Variants in AMBRA1 observed in about 807,000 individuals in gnomAD.
AMBRA1 encodes the protein activating molecule in BECN1-regulated autophagy protein 1.
A neutral mutation model predicts 125.4 loss-of-function variants in AMBRA1; 47 were observed. The observed-to-expected ratio is 0.37, with a 90% CI of 0.30 to 0.48. The LOEUF is 0.48. AMBRA1 is among the 20% of genes least tolerant of loss of function. AMBRA1 has a pLI of 0.99. For missense variants in AMBRA1, 1,331 were observed against 1,693.4 expected, an observed-to-expected ratio of 0.79 and a Z score of 3.76; for synonymous variants, 626 against 655.5, an observed-to-expected ratio of 0.95 and a Z score of 0.69.
chr11:46,528,929 A>T (rs1952097784), intron 7 of AMBRA1, among the ~76,000 whole-genome samples: 1 of 152,136 alleles, frequency 6.6e-6, no homozygotes. Context: ...AAAAAAGCAG[A>T]AGAGGCAAAA....
chr11:46,472,553 A>G (rs888884008), intron 11 of AMBRA1, among the ~76,000 whole-genome samples: 9 of 152,328 alleles, frequency 5.9e-5, no homozygotes, highest in Middle Eastern at 3.4e-3. Flanking sequence ...GACTCACTCA[A>G]ATTGTATAGA....
chr11:46,515,123 T>C (rs575251633), intron 7 of AMBRA1, among the ~76,000 whole-genome samples: 2 of 152,288 alleles, frequency 1.3e-5, no homozygotes, highest in African/African-American at 4.8e-5. Flanking sequence ...ATCCTCCAAG[T>C]GGTCGTTTAG....
chr11:46,410,191 G>C, intron 16 of AMBRA1, 85 bp downstream of exon 16: 1 of 1,256,202 alleles, frequency 8.0e-7, no homozygotes, highest in Non-Finnish European at 1.2e-6. Context: ...CAGAGCCCTA[G>C]AGGGCGCTGC....
At chr11:46,557,903 TG>T (rs970829166) in intron 1 of AMBRA1, among the ~76,000 whole-genome samples, 1 of 151,078 alleles carries the variant, frequency 6.6e-6, no homozygotes, top group African/African-American at 2.4e-5. Flanking sequence ...ACCCAGGAGG[TG>T]GGGGTTGCAG....
At chr11:46,565,727 T>C (rs1466569080) in intron 1 of AMBRA1, among the ~76,000 whole-genome samples, 1 of 151,918 alleles carries the variant, frequency 6.6e-6, no homozygotes, top group Non-Finnish European at 1.5e-5. Context: ...TGTATAAAAA[T>C]GTTAACAGCA....
intron 9 of AMBRA1, among the ~76,000 whole-genome samples, chr11:46,495,924 C>T (rs1275868428): frequency 2.0e-5 from 3 of 151,966 alleles, no homozygotes; most frequent in Admixed American, 2.0e-4. Context: ...GGATCCTAAG[C>T]GGGGGAAAGG....
chr11:46,531,438 G>A (rs1317734980), intron 7 of AMBRA1, among the ~76,000 whole-genome samples: 7 of 152,114 alleles, frequency 4.6e-5, no homozygotes, highest in African/African-American at 1.7e-4. Flanking sequence ...GGCTGGGCGC[G>A]GTGGCTCACG....
chr11:46,480,303 T>G (rs1241406545), intron 11 of AMBRA1, among the ~76,000 whole-genome samples: 1 of 152,178 alleles, frequency 6.6e-6, no homozygotes, highest in East Asian at 1.9e-4. Context: ...TTATTTTACC[T>G]ACTAAACCAT....
rs985777328 is a variant in AMBRA1 at position 46,407,130 on chromosome 11, G to T, written c.3403+1383C>A. Among the ~76,000 whole-genome samples the T allele has an allele frequency of 2.0e-5, 3 of 152,214 alleles. No homozygotes were observed. The East Asian group carries it at 5.8e-4, about 29-fold the overall frequency. On this transcript the variant is annotated intron_variant, in intron 17 of 17. Transcript: ENST00000683756. ...GGAAGCGGTGGTTGCAGTGAGCTGA[G>T]ATCGCAGAGGCTGAAGTGAGCCGAG...
chr11:46,554,761 C>A (rs913846216), intron 1 of AMBRA1, among the ~76,000 whole-genome samples: 1 of 152,104 alleles, frequency 6.6e-6, no homozygotes, highest in Non-Finnish European at 1.5e-5. Flanking sequence ...GTTTTTCATT[C>A]CTCTTTTAAA....
At chr11:46,400,083 C>G (rs1463038946) in intron 17 of AMBRA1, among the ~76,000 whole-genome samples, 2 of 152,170 alleles carry the variant, frequency 1.3e-5, no homozygotes, top group African/African-American at 4.8e-5. Context: ...AGCTCTATTG[C>G]TGTGGGACCT....
chr11:46,524,260 A>G (rs73467966), intron 7 of AMBRA1, among the ~76,000 whole-genome samples: 1,837 of 152,344 alleles, frequency 0.012, 45 homozygotes, highest in African/African-American at 0.042. Flanking sequence ...AATGCCCCCC[A>G]GAAATGTGGC....
intron 14 of AMBRA1, among the ~76,000 whole-genome samples, chr11:46,424,197 T>A (rs1360278485): frequency 6.6e-6 from 1 of 151,336 alleles, no homozygotes; most frequent in African/African-American, 2.4e-5. Flanking sequence ...ATTGCACATA[T>A]CCAAACCAAA....
intron 11 of AMBRA1, among the ~76,000 whole-genome samples, chr11:46,490,041 A>G (rs998083488): frequency 6.6e-6 from 1 of 152,226 alleles, no homozygotes; most frequent in African/African-American, 2.4e-5. Context: ...GGTTGTTGCA[A>G]AGATGAAAAG....
intron 14 of AMBRA1, among the ~76,000 whole-genome samples, chr11:46,426,020 T>C (rs1038141135): frequency 5.3e-5 from 7 of 133,052 alleles, no homozygotes; most frequent in Non-Finnish European, 1.1e-4. Context: ...GGTGGCGGGC[T>C]CCTGTAGTCC....
intron 14 of AMBRA1, among the ~76,000 whole-genome samples, chr11:46,431,398 C>T (rs1257834956): frequency 6.6e-6 from 1 of 152,266 alleles, no homozygotes; most frequent in Non-Finnish European, 1.5e-5. Flanking sequence ...TGGATTACCA[C>T]ATCTCCTCAG....
At chr11:46,407,680 C>T (rs564459635) in intron 17 of AMBRA1, among the ~76,000 whole-genome samples, 7 of 152,340 alleles carry the variant, frequency 4.6e-5, no homozygotes, top group Admixed American at 2.0e-4. Flanking sequence ...TTGGGGACTG[C>T]GGTGTAGAAA....
At chr11:46,546,813 G>C (rs1381427490) in intron 4 of AMBRA1, among the ~76,000 whole-genome samples, 1 of 152,186 alleles carries the variant, frequency 6.6e-6, no homozygotes, top group East Asian at 1.9e-4. Flanking sequence ...GCTCATGCCT[G>C]TAATCCCAGC....
At chr11:46,560,979 G>A (rs2043315884) in intron 1 of AMBRA1, among the ~76,000 whole-genome samples, 1 of 152,124 alleles carries the variant, frequency 6.6e-6, no homozygotes, top group African/African-American at 2.4e-5. Context: ...AAATCATAAA[G>A]GATCACATCT....
Sources: gnomAD v4.1 joint callset for allele counts (sites outside exome capture counted in the v4.1 genomes callset) on GRCh38, gnomAD v4.1.1 for gene constraint, MANE v1.5 for transcripts, NCBI Gene and HGNC (gene_info 2026-07-23, HGNC 2026-07-21) for gene names.